The following ZNF280D variants were observed in gnomAD, a reference collection of about 807,000 sequenced individuals.
ZNF280D encodes zinc finger protein 280D, also known as suppressor of hairy wing homolog 4.
Under a neutral mutation model 94.7 loss-of-function variants are expected in ZNF280D, and 39 were observed. That is an observed-to-expected ratio of 0.41 (90% confidence interval 0.32 to 0.54). The LOEUF (loss-of-function observed/expected upper bound fraction) is 0.54. Ranked by LOEUF, ZNF280D falls within the 20% of genes least tolerant of loss-of-function variation. The pLI, the probability that ZNF280D is intolerant of heterozygous loss-of-function variation, is 0.22. For missense variants in ZNF280D, 1,090 were observed against 1,149.3 expected (o/e 0.95, Z 0.75); for synonymous variants, 398 against 377.6 (o/e 1.05, Z -0.63).
intron 14 of ZNF280D, chr15:56,668,316 G>C (rs1045818677): frequency 1.9e-5 from 7 of 365,174 alleles, no homozygotes; most frequent in South Asian, 1.4e-4. Context: ...TCATCAGTAT[G>C]CAGTCAGACA....
chr15:56,721,040 G>A (rs2058333843), intron 1 of ZNF280D, among the ~76,000 whole-genome samples: 1 of 150,230 alleles, frequency 6.7e-6, no homozygotes, highest in African/African-American at 2.5e-5. Flanking sequence ...TAAACTCACT[G>A]CAACTTCTGC....
intron 7 of ZNF280D, among the ~76,000 whole-genome samples, chr15:56,692,213 C>T (rs547014822): frequency 7.9e-5 from 12 of 151,708 alleles, no homozygotes; most frequent in East Asian, 3.9e-4. Flanking sequence ...TTACTAAATA[C>T]GTAAGTGACA....
chr15:56,706,452 T>G (rs1480759543), intron 3 of ZNF280D, among the ~76,000 whole-genome samples: 3 of 151,910 alleles, frequency 2.0e-5, no homozygotes, highest in Non-Finnish European at 4.4e-5. Flanking sequence ...CACTCCAGCC[T>G]GGGTGACAGA....
chr15:56,659,699 C>A (rs973689332), intron 16 of ZNF280D, among the ~76,000 whole-genome samples: 2 of 151,784 alleles, frequency 1.3e-5, no homozygotes, highest in African/African-American at 2.4e-5. Context: ...ATGTAGTCTT[C>A]CCCCACCAAC....
chr15:56,703,652 G>T (rs971125629), intron 4 of ZNF280D, among the ~76,000 whole-genome samples: 1 of 151,992 alleles, frequency 6.6e-6, no homozygotes, highest in East Asian at 1.9e-4. Context: ...TCAGGAGTTC[G>T]AGAGCAGCCT....
intron 16 of ZNF280D, among the ~76,000 whole-genome samples, chr15:56,665,901 C>T (rs181693695): frequency 6.1e-4 from 93 of 152,210 alleles, no homozygotes; most frequent in Non-Finnish European, 1.1e-3. Flanking sequence ...TTTGGGAGGC[C>T]AAGGCGGGCA....
chr15:56,725,981 T>G (rs1489896242), intron 1 of ZNF280D, among the ~76,000 whole-genome samples: 3 of 152,156 alleles, frequency 2.0e-5, no homozygotes, highest in Non-Finnish European at 2.9e-5. Flanking sequence ...GACTGAAATA[T>G]TTTTTGGTGT....
At chr15:56,634,511 A>G (rs2052256025) in intron 21 of ZNF280D, among the ~76,000 whole-genome samples, 1 of 152,180 alleles carries the variant, frequency 6.6e-6, no homozygotes, top group Non-Finnish European at 1.5e-5. Flanking sequence ...AAACACCTTC[A>G]TAGGAACTTA....
In ZNF280D at chr15:56,630,559, G is replaced by A. The variant is rs1426225126; in HGVS notation, c.*939C>T. ...GTCACTTAAACATGGCTGAATACAT[G>A]CCAGGACATGTTTTCAGTTTACTGC... On this transcript the variant is annotated 3_prime_UTR_variant, in exon 22 of 22. Coordinates refer to ENST00000267807, the MANE Select transcript of ZNF280D (RefSeq NM_017661.4). The A allele has an allele frequency of 6.6e-6, 1 of 152,058 alleles. No homozygotes were observed. Among genetic ancestry groups the A allele is most frequent in the African/African-American group, 2.4e-5 (1 of 41,408 alleles). The allele number at this position is 152,058 out of a possible 1,614,324, so 9.4% of individuals were successfully genotyped here.
At chr15:56,657,754 C>A (rs2140734064) in intron 17 of ZNF280D, among the ~76,000 whole-genome samples, 1 of 152,110 alleles carries the variant, frequency 6.6e-6, no homozygotes, top group African/African-American at 2.4e-5. Flanking sequence ...AAATTGGAAC[C>A]CTCAAACACT....
At chr15:56,732,237 C>G (rs967594836) in intron 1 of ZNF280D, among the ~76,000 whole-genome samples, 2 of 152,142 alleles carry the variant, frequency 1.3e-5, no homozygotes, top group Admixed American at 1.3e-4. Context: ...GTTTCCTCGC[C>G]TGCAAAATGA....
intron 6 of ZNF280D, chr15:56,698,530 A>G (rs1488743841): frequency 6.6e-6 from 1 of 152,136 alleles, no homozygotes; most frequent in African/African-American, 2.4e-5. Context: ...TGGCAGACAG[A>G]CTCTAAAGTG....
At position 56,707,097 on chromosome 15, in the gene ZNF280D, G is replaced by C. The variant is rs749217249; in HGVS notation, c.13C>G (p.Pro5Ala). Residue 5 changes from proline to alanine, a missense_variant, in exon 3 of 22, where the codon CCT becomes GCT. Around this residue, in one of 3 missense-constraint regions of ZNF280D, gnomAD observed 386 missense variants for 372.0 expected, o/e 1.04. Transcript: ENST00000267807. ...CAACACTTACTTTTTGGTTGAAAAGGGTTGTCGCCCATCAAGCTGCAGAGA... is the reference window on the plus strand; with the variant it reads ...CAACACTTACTTTTTGGTTGAAAAGCGTTGTCGCCCATCAAGCTGCAGAGA... Reference protein sequence around the residue: MGDNPFQPKSNSKMA... With the variant: MGDNAFQPKSNSKMA... 5 of 1,613,858 alleles carry C rather than the reference G, an allele frequency of 3.1e-6. No individual in the cohort carries two copies. Among genetic ancestry groups the C allele is most frequent in the Admixed American group, 1.7e-5 (1 of 60,008 alleles).
At chr15:56,679,115 G>C (rs562869701) in intron 10 of ZNF280D, among the ~76,000 whole-genome samples, 3 of 151,884 alleles carry the variant, frequency 2.0e-5, no homozygotes, top group African/African-American at 7.2e-5. Flanking sequence ...AATTTTTTTA[G>C]ATAAAAGAAC....
At chr15:56,667,124 T>C in intron 14 of ZNF280D, 138 bp from the exon 15 acceptor site, 1 of 598,006 alleles carries the variant, frequency 1.7e-6, no homozygotes, top group Non-Finnish European at 2.8e-6. Context: ...GTCTCCCATT[T>C]ATTCTAAATG....
In ZNF280D at chr15:56,677,756, T is replaced by C. The variant is rs1380001788; in HGVS notation, c.1163-82A>G. ...TTTTATACATCTATATCAACAACAA[T>C]AACAGTAGCAGTAGGGACAGTTGTG... On this transcript the variant is annotated intron_variant, in intron 11 of 21. Coordinates refer to ENST00000267807, the MANE Select transcript of ZNF280D (RefSeq NM_017661.4). The C allele has an allele frequency of 2.0e-5, 9 of 458,130 alleles. No individual in the cohort carries two copies. In the East Asian group the frequency reaches 2.7e-4, roughly 14 times the overall value. The allele number at this position is 458,130 out of a possible 1,614,324, so 28.4% of individuals were successfully genotyped here.
chr15:56,653,353 G>C, intron 19 of ZNF280D: 1 of 1,259,218 alleles, frequency 7.9e-7, no homozygotes, highest in Non-Finnish European at 1.0e-6. Flanking sequence ...TGGGAAGTAT[G>C]CTCAATTTGG....
intron 6 of ZNF280D, chr15:56,698,859 AT>A (rs1378165318): frequency 6.6e-6 from 1 of 152,188 alleles, no homozygotes; most frequent in African/African-American, 2.4e-5. Context: ...AAGGAACTGA[AT>A]GCTACCAACA....
In ZNF280D at chr15:56,631,033, T is replaced by C. The variant is rs1213988062; in HGVS notation, c.*465A>G. Reference sequence around the variant, plus strand: ...TCACAAATAAAGCCTTCATTAACAATGCCAATCAGCCATTGTTTTTAATCA... The same window carrying C: ...TCACAAATAAAGCCTTCATTAACAACGCCAATCAGCCATTGTTTTTAATCA... On this transcript the variant is annotated 3_prime_UTR_variant, in exon 22 of 22. Transcript: ENST00000267807. 6.3e-6 allele frequency: 1 copy of C among 158,528 alleles called. No homozygotes were observed. Among genetic ancestry groups the C allele is most frequent in the Non-Finnish European group, 1.4e-5 (1 of 71,458 alleles). 9.8% of individuals were successfully genotyped at this position (158,528 alleles called of 1,614,324 possible). A position where few individuals can be genotyped will look rare whatever the true frequency, so the allele number is the denominator to read the frequency against.
Sources: gnomAD v4.1 joint callset for allele counts (sites outside exome capture counted in the v4.1 genomes callset) on GRCh38, gnomAD v4.1.1 for gene constraint, gnomAD v4.1.1 regional missense constraint, MANE v1.5 for transcripts, NCBI Gene and HGNC (gene_info 2026-07-23, HGNC 2026-07-21) for gene names.